Variants in MED6 observed in about 807,000 individuals in gnomAD.
MED6 encodes the protein mediator complex subunit 6.
MED6 carries 33 observed loss-of-function variants against 37.5 expected under a neutral mutation model. The observed-to-expected ratio is 0.88, with a 90% CI of 0.67 to 1.18. The LOEUF (loss-of-function observed/expected upper bound fraction) is 1.18. Among genes scored for constraint, MED6 ranks in the 50% most tolerant of loss-of-function variants. The pLI is 0.00. For missense variants in MED6, 235 were observed against 290.6 expected (o/e 0.81, Z 1.39); for synonymous variants, 94 against 93.6 (o/e 1.00, Z -0.02).
rs1884659718 is a variant in MED6 at position 70,584,930 on chromosome 14, C to T, written c.624G>A (p.Lys208=). ...GEKPVPVDQT[K]KEAEPIPETV... is the part of the protein sequence containing the mutation. ...TTTCTGGTATAGGTTCTGCCTCTTT[C>T]TTTGTTTGATCCACTAGATATCAAA... Residue 208 remains lysine (K), a synonymous_variant, in exon 8 of 8, where the codon AAG becomes AAA. Transcript: ENST00000256379. 2 of 1,613,560 alleles carry T rather than the reference C, an allele frequency of 1.2e-6. No homozygotes were observed. The highest frequency in any genetic ancestry group is 1.3e-5 in the African/African-American group (1 of 74,842).
rs1017156822 is a variant in MED6, at chr14:70,584,461, C to T, written c.*352G>A. The T allele has an allele frequency of 3.2e-6, 1 of 317,452 alleles. No homozygotes were observed. The highest frequency in any genetic ancestry group is 6.7e-5 in the East Asian group (1 of 14,900). 19.7% of individuals were successfully genotyped at this position (317,452 alleles called of 1,614,324 possible). On this transcript the variant is annotated 3_prime_UTR_variant, in exon 8 of 8. Coordinates refer to ENST00000256379, the MANE Select transcript of MED6 (RefSeq NM_005466.4). ...ATGATAATCAGCTCAGGGCAACCTC[C>T]ACCTCCCGGGTTCAAGCAAGTCTCC... is the stretch of plus-strand genomic sequence containing the variant.
In MED6 at chr14:70,596,446, C is replaced by T. The variant is rs144971863; in HGVS notation, c.274+165G>A. The T allele has an allele frequency of 5.6e-6, 3 of 536,510 alleles. No individual in the cohort carries two copies. In the African/African-American group the frequency reaches 5.6e-5, roughly 10 times the overall value. The allele number at this position is 536,510 out of a possible 1,614,324, so 33.2% of individuals were successfully genotyped here. On this transcript the variant is annotated intron_variant, in intron 3 of 7. Transcript: ENST00000256379. Reference sequence around the variant, plus strand: ...TCATAACAAATCTTAGCTGTAAGTACAACCATATGCTAAGTCTGGTGAGTC... The same window carrying T: ...TCATAACAAATCTTAGCTGTAAGTATAACCATATGCTAAGTCTGGTGAGTC...
At chr14:70,585,176 C>T (rs1884667816) in intron 7 of MED6, among the ~76,000 whole-genome samples, 1 of 152,118 alleles carries the variant, frequency 6.6e-6, no homozygotes, top group Non-Finnish European at 1.5e-5. Flanking sequence ...TTAAGTAAGA[C>T]AGTATGTAAA....
rs1358356685 is a variant in MED6, at chr14:70,583,630, T to TA, written c.*1182dup. 1 of 152,732 alleles carries TA rather than the reference T, an allele frequency of 6.5e-6. No individual in the cohort carries two copies. Among genetic ancestry groups the TA allele is most frequent in the Non-Finnish European group, 1.5e-5 (1 of 68,502 alleles). The allele number at this position is 152,732 out of a possible 1,614,324, so 9.5% of individuals were successfully genotyped here. A position where few individuals can be genotyped will look rare whatever the true frequency, so the allele number is the denominator to read the frequency against. ...ATAATCACAGCAGTCTTATATAAAA[T>TA]AATGTAAACTGGGAAAAATCCCAAA... On this transcript the variant is annotated 3_prime_UTR_variant, in exon 8 of 8. Coordinates refer to ENST00000256379, the MANE Select transcript of MED6 (RefSeq NM_005466.4).
chr14:70,597,847 T>A, intron 1 of MED6, 70 bp from the exon 2 acceptor site: 1 of 1,323,340 alleles, frequency 7.6e-7, no homozygotes, highest in Non-Finnish European at 1.0e-6. Flanking sequence ...AAACATTTAT[T>A]ATACATCAAA....
At chr14:70,595,411 C>CT (rs1885013882) in intron 3 of MED6, 3 of 567,960 alleles carry the variant, frequency 5.3e-6, no homozygotes, top group Admixed American at 4.4e-5. Flanking sequence ...GTTGGGGTTG[C>CT]TAAGGTGACG....
chr14:70,587,311 T>G (rs1884738384), intron 6 of MED6, among the ~76,000 whole-genome samples: 1 of 152,196 alleles, frequency 6.6e-6, no homozygotes, highest in Non-Finnish European at 1.5e-5. Context: ...TAGCAATAAA[T>G]CTTAGCTGAG....
chr14:70,584,700 C>G lies in MED6; in HGVS notation c.*113G>C. On this transcript the variant is annotated 3_prime_UTR_variant, in exon 8 of 8. Coordinates refer to ENST00000256379, the MANE Select transcript of MED6 (RefSeq NM_005466.4). ...CTAATATCCTTTCAAAAAATAAGCG[C>G]ATTCCATACAAATAAGAAGGTTACA... 1 of 1,339,832 alleles carries G rather than the reference C, an allele frequency of 7.5e-7. No individual in the cohort carries two copies. Among genetic ancestry groups the G allele is most frequent in the Non-Finnish European group, 1.0e-6 (1 of 982,846 alleles). 83.0% of individuals were successfully genotyped at this position (1,339,832 alleles called of 1,614,324 possible).
intron 3 of MED6, 43 bp downstream of exon 3, chr14:70,596,568 G>T: frequency 6.9e-7 from 1 of 1,447,056 alleles, no homozygotes; most frequent in Non-Finnish European, 9.6e-7. Context: ...ATAAATTATG[G>T]TATTTTAAAA....
At chr14:70,588,727 TAATAATAATA>T (rs1884786991) in intron 6 of MED6, among the ~76,000 whole-genome samples, 1 of 119,378 alleles carries the variant, frequency 8.4e-6, no homozygotes. Context: ...ATAATAATAA[TAATAATAATA>T]ATAATTGGGA....
rs755233891 is a variant in MED6 at position 70,600,640 on chromosome 14, T to C, written c.-3A>G. The C allele has an allele frequency of 1.2e-6, 2 of 1,613,204 alleles. No individual in the cohort carries two copies. Among genetic ancestry groups the C allele is most frequent in the South Asian group, 1.1e-5 (1 of 90,990 alleles). On this transcript the variant is annotated 5_prime_UTR_variant, in exon 1 of 8. Transcript: ENST00000256379. ...CCTCGGATATCCACCGCCGCCATAA[T>C]TCCGAGAGCGTTTACAGGTTCTCTT... is the stretch of plus-strand genomic sequence containing the variant.
At chr14:70,591,478 A>G in intron 5 of MED6, 97 bp from the exon 6 acceptor site, 1 of 866,478 alleles carries the variant, frequency 1.2e-6, no homozygotes, top group South Asian at 1.5e-5. Context: ...CCCAAACTTC[A>G]TTATTTTTAA....
chr14:70,588,630 G>T (rs1417370535), intron 6 of MED6, among the ~76,000 whole-genome samples: 2 of 151,068 alleles, frequency 1.3e-5, no homozygotes, highest in Admixed American at 6.6e-5. Context: ...AGCTTGCAGT[G>T]AGCTGAGATC....
chr14:70,588,234 C>CT (rs1884766668), intron 6 of MED6, among the ~76,000 whole-genome samples: 1 of 152,108 alleles, frequency 6.6e-6, no homozygotes, highest in Non-Finnish European at 1.5e-5. Context: ...TTACACAGAG[C>CT]TGGATATACT....
Position 70,592,924 on chromosome 14 carries a change from GGAT to G in MED6, c.419_421del (p.His140del). 2.5e-6 allele frequency: 4 copies of G among 1,613,912 alleles called. No individual in the cohort carries two copies. The highest frequency in any genetic ancestry group is 2.7e-5 in the African/African-American group (2 of 75,034). ...GAAGTGCCACCAATACCCTTTGGAA[GGAT>G]GATATCGACAGTATGACATAGCTTC... On this transcript the variant is annotated inframe_deletion, in exon 5 of 8. Transcript: ENST00000256379.
At chr14:70,589,364 C>T (rs981712059) in intron 6 of MED6, among the ~76,000 whole-genome samples, 3 of 152,148 alleles carry the variant, frequency 2.0e-5, no homozygotes, top group Admixed American at 6.5e-5. Context: ...AGCATCCCCC[C>T]CATACTGTTA....
intron 1 of MED6, among the ~76,000 whole-genome samples, chr14:70,599,767 A>G (rs17108264): frequency 0.11 from 16,475 of 152,262 alleles, 1,327 homozygotes; most frequent in East Asian, 0.48. Context: ...ACATGTTGAC[A>G]TAGCCCAAGC....
At position 70,583,269 on chromosome 14, in the gene MED6, T is replaced by C. The variant is rs765937676; in HGVS notation, c.*1544A>G. The C allele has an allele frequency of 1.3e-5, 2 of 152,188 alleles. No individual in the cohort carries two copies. Among genetic ancestry groups the C allele is most frequent in the Non-Finnish European group, 2.9e-5 (2 of 68,014 alleles). The allele number at this position is 152,188 out of a possible 1,614,324, so 9.4% of individuals were successfully genotyped here. A position where few individuals can be genotyped will look rare whatever the true frequency, so the allele number is the denominator to read the frequency against. On this transcript the variant is annotated 3_prime_UTR_variant, in exon 8 of 8. Transcript: ENST00000256379. ...CCGGAAATTATGTCAAAATAAGAAG[T>C]TGAAAGACAAAAATCTCACACAATA... is the stretch of plus-strand genomic sequence containing the variant.
chr14:70,592,854 T>C (rs756749225), intron 5 of MED6, 26 bp downstream of exon 5: 1 of 1,611,210 alleles, frequency 6.2e-7, no homozygotes, highest in Non-Finnish European at 8.5e-7. Context: ...AAAAGTGTTT[T>C]AGGAGGGTAT....
Sources: allele counts gnomAD v4.1 joint callset (sites outside exome capture counted in the v4.1 genomes callset), GRCh38; gene constraint gnomAD v4.1.1; transcripts MANE v1.5; gene names NCBI Gene and HGNC (gene_info 2026-07-23, HGNC 2026-07-21).